NDST3: variants seen among roughly 807,000 people sequenced by gnomAD.
NDST3 encodes N-deacetylase and N-sulfotransferase 3.
A neutral mutation model predicts 96.1 loss-of-function variants in NDST3; 58 were observed. The observed-to-expected ratio is 0.60, with a 90% CI of 0.49 to 0.75. NDST3 has a LOEUF of 0.75. NDST3 is among the 30% of genes least tolerant of loss of function. The probability of loss-of-function intolerance (pLI) is 0.00; values close to 1 mark genes in which losing one functional copy is unlikely to be tolerated. For missense variants in NDST3, 788 were observed against 1,034.2 expected (o/e 0.76, Z 3.27); for synonymous variants, 333 against 359.7 (o/e 0.93, Z 0.84).
intron 3 of NDST3, among the ~76,000 whole-genome samples, chr4:118,111,582 G>A (rs1578658711): frequency 6.6e-6 from 1 of 150,838 alleles, no homozygotes; most frequent in East Asian, 1.9e-4. Context: ...TGTCACCCAG[G>A]CTGGAGTGTA....
At chr4:118,209,281 T>C (rs72677007) in intron 6 of NDST3, among the ~76,000 whole-genome samples, 6,945 of 152,266 alleles carry the variant, frequency 0.046, 237 homozygotes, top group Non-Finnish European at 0.07. Flanking sequence ...AAATCTATCA[T>C]AAGAAGTAAC....
At position 118,080,105 on chromosome 4, in the gene NDST3, T is replaced by G. The variant is rs151083563; in HGVS notation, c.982-24913T>G. 4.3e-4 allele frequency among the ~76,000 whole-genome samples: 65 copies of G among 152,240 alleles called. 1 individual carries two copies. In the East Asian group the frequency reaches 0.012, roughly 29 times the overall value. On this transcript the variant is annotated intron_variant, in intron 2 of 13. Coordinates refer to ENST00000296499, the MANE Select transcript of NDST3 (RefSeq NM_004784.3). ...TCTTTTTGGTAAAATTAGAATCATA[T>G]AGCAGCACTTATTACTCAGATGTGC...
At chr4:118,058,905 C>A (rs554253676) in intron 2 of NDST3, among the ~76,000 whole-genome samples, 6 of 152,158 alleles carry the variant, frequency 3.9e-5, no homozygotes, top group Admixed American at 2.0e-4. Flanking sequence ...GTTGTAAGAT[C>A]CATTATACCT....
intron 6 of NDST3, among the ~76,000 whole-genome samples, chr4:118,145,675 A>C (rs1733885850): frequency 6.6e-6 from 1 of 152,212 alleles, no homozygotes; most frequent in Non-Finnish European, 1.5e-5. Context: ...TTTATGAATG[A>C]TATTTGGCAA....
At chr4:118,033,852 G>A (rs1183158428), upstream of NDST3, 1 of 152,362 alleles carries the variant, frequency 6.6e-6, no homozygotes, top group Non-Finnish European at 1.5e-5. Flanking sequence ...GGGGCCCTGG[G>A]GAGCGGCTGA....
At chr4:118,196,949 T>G (rs1356104218) in intron 6 of NDST3, among the ~76,000 whole-genome samples, 3 of 151,788 alleles carry the variant, frequency 2.0e-5, no homozygotes, top group African/African-American at 4.8e-5. Context: ...TTGAAGTTTT[T>G]TTTTTTTTTA....
chr4:118,236,071 T>C (rs1197601585), intron 9 of NDST3, among the ~76,000 whole-genome samples: 1 of 152,206 alleles, frequency 6.6e-6, no homozygotes, highest in Non-Finnish European at 1.5e-5. Flanking sequence ...TATTAATGAC[T>C]TTTTTATTCA....
chr4:118,190,623 C>T (rs1168320519), intron 6 of NDST3, among the ~76,000 whole-genome samples: 1 of 152,132 alleles, frequency 6.6e-6, no homozygotes, highest in Admixed American at 6.5e-5. Flanking sequence ...GAAGACAGAG[C>T]TGTGAAGACT....
At chr4:118,251,579 AT>A (rs559552694) in intron 12 of NDST3, among the ~76,000 whole-genome samples, 2 of 152,198 alleles carry the variant, frequency 1.3e-5, no homozygotes, top group South Asian at 4.2e-4. Flanking sequence ...CTTGGCAGCC[AT>A]TTTTTGAAAA....
intron 1 of NDST3, among the ~76,000 whole-genome samples, chr4:118,045,135 C>G (rs994682813): frequency 6.6e-6 from 1 of 152,128 alleles, no homozygotes; most frequent in Non-Finnish European, 1.5e-5. Context: ...TCTTTCCTCC[C>G]ACTCATTATT....
intron 6 of NDST3, among the ~76,000 whole-genome samples, chr4:118,181,016 T>C (rs562998576): frequency 6.6e-6 from 1 of 152,200 alleles, no homozygotes; most frequent in East Asian, 1.9e-4. Flanking sequence ...TAATCCTTGG[T>C]ACCCAAAATG....
At chr4:118,154,912 A>G (rs555317033) in intron 6 of NDST3, among the ~76,000 whole-genome samples, 2 of 152,262 alleles carry the variant, frequency 1.3e-5, no homozygotes, top group African/African-American at 4.8e-5. Flanking sequence ...ATGTCAGGCT[A>G]TTGTCTAAGA....
intron 6 of NDST3, among the ~76,000 whole-genome samples, chr4:118,189,492 A>AT (rs1305910575): frequency 6.6e-6 from 1 of 152,232 alleles, no homozygotes; most frequent in East Asian, 1.9e-4. Context: ...AAAAAACACA[A>AT]TACTGAAGCT....
chr4:118,103,611 C>T (rs1264694870), intron 2 of NDST3, among the ~76,000 whole-genome samples: 1 of 152,142 alleles, frequency 6.6e-6, no homozygotes, highest in African/African-American at 2.4e-5. Flanking sequence ...TTTGTAACTT[C>T]ATCATGTCCA....
intron 2 of NDST3, among the ~76,000 whole-genome samples, chr4:118,094,190 C>T (rs1314939672): frequency 6.6e-6 from 1 of 151,884 alleles, no homozygotes; most frequent in South Asian, 2.1e-4. Flanking sequence ...TGCTTCCTAA[C>T]AGCTGTTCTG....
At chr4:118,242,623 C>T in intron 12 of NDST3, among the ~76,000 whole-genome samples, 1 of 152,240 alleles carries the variant, frequency 6.6e-6, no homozygotes, top group Middle Eastern at 3.4e-3. Context: ...GTACTATTAT[C>T]GCTCCTAAAC....
chr4:118,195,205 T>C (rs1377333784), intron 6 of NDST3, among the ~76,000 whole-genome samples: 1 of 152,196 alleles, frequency 6.6e-6, no homozygotes, highest in African/African-American at 2.4e-5. Flanking sequence ...GTTTTCATTG[T>C]AGAGATCATT....
At chr4:118,058,430 C>CAAAAAAAAAAAA (rs35067389) in intron 2 of NDST3, among the ~76,000 whole-genome samples, 3 of 118,140 alleles carry the variant, frequency 2.5e-5, no homozygotes, top group African/African-American at 7.0e-5. Context: ...CACAAAAAGA[C>CAAAAAAAAAAAA]AAAAAAAAAA....
chr4:118,096,631 C>A (rs1299397779), intron 2 of NDST3, among the ~76,000 whole-genome samples: 1 of 151,468 alleles, frequency 6.6e-6, no homozygotes, highest in East Asian at 1.9e-4. Context: ...CACTAGAGAA[C>A]CCCAATACAT....
Sources: gnomAD v4.1 joint callset for allele counts (sites outside exome capture counted in the v4.1 genomes callset) on GRCh38, gnomAD v4.1.1 for gene constraint, MANE v1.5 for transcripts, NCBI Gene and HGNC (gene_info 2026-07-23, HGNC 2026-07-21) for gene names.